Variants in SCLT1 observed in about 807,000 individuals in gnomAD.
The protein encoded by SCLT1 is sodium channel and clathrin linker 1.
SCLT1 carries 78 observed loss-of-function variants against 112.8 expected under a neutral mutation model. The observed-to-expected ratio is 0.69, with a 90% CI of 0.58 to 0.83. The LOEUF (loss-of-function observed/expected upper bound fraction) is 0.83. SCLT1 is among the 40% of genes least tolerant of loss of function. The pLI, the probability that SCLT1 is intolerant of heterozygous loss-of-function variation, is 0.00. For missense variants in SCLT1, 747 were observed against 770.4 expected (o/e 0.97, Z 0.36); for synonymous variants, 257 against 254.7 (o/e 1.01, Z -0.09).
At chr4:128,977,448 C>T (rs1271525508) in intron 9 of SCLT1, among the ~76,000 whole-genome samples, 3 of 152,134 alleles carry the variant, frequency 2.0e-5, no homozygotes, top group African/African-American at 4.8e-5. Flanking sequence ...AAGCCCCTGT[C>T]TCATAAAGTT....
intron 8 of SCLT1, 82 bp from the exon 9 acceptor site, chr4:128,992,319 G>GA (rs1453961110): frequency 8.1e-6 from 7 of 859,206 alleles, no homozygotes; most frequent in East Asian, 5.4e-5. Context: ...CATACAAGTA[G>GA]AAAAAAAGTT....
intron 18 of SCLT1, among the ~76,000 whole-genome samples, chr4:128,929,371 A>G (rs1451686224): frequency 1.3e-5 from 2 of 152,192 alleles, no homozygotes; most frequent in African/African-American, 4.8e-5. Flanking sequence ...AAAAATTTTA[A>G]TTATGTTGCT....
intron 3 of SCLT1, 66 bp from the exon 4 acceptor site, chr4:129,043,533 G>A: frequency 1.4e-6 from 1 of 690,512 alleles, no homozygotes; most frequent in Non-Finnish European, 2.4e-6. Context: ...TATAACAAGT[G>A]AAATAAATTA....
At chr4:128,958,360 C>T (rs969542307) in intron 12 of SCLT1, among the ~76,000 whole-genome samples, 7 of 152,042 alleles carry the variant, frequency 4.6e-5, no homozygotes, top group African/African-American at 9.7e-5. Context: ...TTTGTGTGAT[C>T]GGCTGGGAGA....
intron 5 of SCLT1, among the ~76,000 whole-genome samples, chr4:129,016,845 G>A (rs1281375048): frequency 1.3e-5 from 2 of 152,048 alleles, no homozygotes; most frequent in Non-Finnish European, 2.9e-5. Flanking sequence ...AAACAGATTC[G>A]ATTTTTGTTA....
intron 5 of SCLT1, among the ~76,000 whole-genome samples, chr4:129,018,318 A>G (rs1745162959): frequency 6.6e-6 from 1 of 152,260 alleles, no homozygotes; most frequent in Admixed American, 6.5e-5. Flanking sequence ...TGTTAAGCCA[A>G]TCTATCATAT....
chr4:129,070,609 G>A lies in SCLT1; in HGVS notation c.102+11697C>T, dbSNP rs112598272. The stretch of plus-strand genomic sequence containing the variant: ...TCAGTGGTGACAGTTGTAATACCTC[G>A]CGTTTCATTTCTTAGTGAGGTTATT... On this transcript the variant is annotated intron_variant, in intron 2 of 20. Transcript: ENST00000281142. Among the ~76,000 whole-genome samples the A allele has an allele frequency of 4.8e-3, 735 of 151,976 alleles. 4 individuals are homozygous for A. The highest frequency in any genetic ancestry group is 0.016 in the African/African-American group (668 of 41,464).
chr4:128,986,863 C>T (rs954162811), intron 9 of SCLT1, among the ~76,000 whole-genome samples: 1 of 152,052 alleles, frequency 6.6e-6, no homozygotes, highest in African/African-American at 2.4e-5. Context: ...TGAAGGGATT[C>T]GGGTGTGACT....
At chr4:128,955,704 T>TG (rs1159237502) in intron 13 of SCLT1, among the ~76,000 whole-genome samples, 4 of 152,186 alleles carry the variant, frequency 2.6e-5, no homozygotes, top group Non-Finnish European at 5.9e-5. Flanking sequence ...GTATTAAACT[T>TG]GTAATTTTAA....
intron 5 of SCLT1, among the ~76,000 whole-genome samples, chr4:129,028,143 C>T (rs2126137602): frequency 6.6e-6 from 1 of 152,294 alleles, no homozygotes; most frequent in South Asian, 2.1e-4. Context: ...ATCAAGCTAC[C>T]AATGACTTTC....
At chr4:128,901,872 A>G (rs550456911) in intron 18 of SCLT1, among the ~76,000 whole-genome samples, 2 of 152,254 alleles carry the variant, frequency 1.3e-5, no homozygotes, top group South Asian at 2.1e-4. Context: ...ACATATATGT[A>G]CACACACATA....
chr4:128,937,849 G>C (rs1737345677), intron 17 of SCLT1, among the ~76,000 whole-genome samples: 1 of 152,106 alleles, frequency 6.6e-6, no homozygotes, highest in Non-Finnish European at 1.5e-5. Flanking sequence ...TGGGGTTCAG[G>C]GAGAGAATTA....
chr4:128,888,782 G>T lies in SCLT1; in HGVS notation c.1909-8C>A. The T allele has an allele frequency of 6.5e-7, 1 of 1,546,314 alleles. No individual in the cohort carries two copies. Among genetic ancestry groups the T allele is most frequent in the Non-Finnish European group, 8.9e-7 (1 of 1,123,386 alleles). On this transcript the variant is annotated splice_polypyrimidine_tract_variant and splice_region_variant and intron_variant, in intron 19 of 20. Transcript: ENST00000281142. ...TAGAATTAGCTTTTCATTCTATTAA[G>T]GGGAAATAGAAAACAAGTTAGAAAT...
At chr4:128,907,910 T>C (rs1734806612) in intron 18 of SCLT1, among the ~76,000 whole-genome samples, 1 of 152,164 alleles carries the variant, frequency 6.6e-6, no homozygotes, top group South Asian at 2.1e-4. Context: ...AAAAGACATA[T>C]GAAATAAAAC....
At chr4:128,959,425 A>G (rs1195071998) in intron 12 of SCLT1, among the ~76,000 whole-genome samples, 175 bp downstream of exon 12, 3 of 152,138 alleles carry the variant, frequency 2.0e-5, no homozygotes, top group Non-Finnish European at 4.4e-5. Flanking sequence ...TTGATGTTTT[A>G]TCATATGATG....
intron 2 of SCLT1, among the ~76,000 whole-genome samples, chr4:129,051,928 A>C (rs1748836019): frequency 6.6e-6 from 1 of 152,136 alleles, no homozygotes; most frequent in Non-Finnish European, 1.5e-5. Context: ...GAGAGTTTTT[A>C]GCATGGAGGC....
intron 4 of SCLT1, among the ~76,000 whole-genome samples, chr4:129,043,029 C>T (rs761061091): frequency 1.3e-5 from 2 of 151,744 alleles, no homozygotes; most frequent in African/African-American, 4.8e-5. Context: ...GCCGAGATCG[C>T]GCCACTGCAT....
chr4:128,973,809 A>G (rs370042278), intron 9 of SCLT1, among the ~76,000 whole-genome samples: 3 of 152,122 alleles, frequency 2.0e-5, no homozygotes, highest in South Asian at 2.1e-4. Context: ...CACAAATACT[A>G]TTTTTTTGGG....
chr4:128,906,188 A>G (rs1238632550), intron 18 of SCLT1, among the ~76,000 whole-genome samples: 1 of 152,122 alleles, frequency 6.6e-6, no homozygotes, highest in Non-Finnish European at 1.5e-5. Flanking sequence ...CTAATGAGAT[A>G]ATTCAGTGAT....
Sources: allele counts gnomAD v4.1 joint callset (sites outside exome capture counted in the v4.1 genomes callset), GRCh38; gene constraint gnomAD v4.1.1; transcripts MANE v1.5; gene names NCBI Gene and HGNC (gene_info 2026-07-23, HGNC 2026-07-21).